Variants in RBFOX2 observed in about 807,000 individuals in gnomAD.
RBFOX2 encodes the protein RNA binding protein fox-1 homolog 2.
Under a neutral mutation model 49.1 loss-of-function variants are expected in RBFOX2, and 10 were observed. The ratio of observed to expected loss-of-function variants is 0.20; its 90% CI spans 0.13 to 0.35. The LOEUF (loss-of-function observed/expected upper bound fraction) is 0.35, where lower values mean the gene tolerates loss of function less well. Among genes scored for constraint, RBFOX2 ranks in the 10% least tolerant of loss-of-function variants. The pLI, the probability that RBFOX2 is intolerant of heterozygous loss-of-function variation, is 1.00. For missense variants in RBFOX2, 323 were observed against 486.9 expected (o/e 0.66, Z 3.17); for synonymous variants, 183 against 187.4 (o/e 0.98, Z 0.19).
chr22:35,872,065 CAAGT>C lies in RBFOX2; in HGVS notation c.-33-62065_-33-62062del, dbSNP rs777112816. On this transcript the variant is annotated intron_variant, in intron 1 of 13. Transcript: ENST00000359369. ...CAGTTCAGCATCTACCAAATCCTGA[CAAGT>C]AAGTGCCCAGCACTGTACCAAGTGC... is the stretch of plus-strand genomic sequence containing the variant. Among the ~76,000 whole-genome samples the C allele has an allele frequency of 1.1e-4, 17 of 152,282 alleles. No homozygotes were observed. The South Asian group carries it at 2.5e-3, about 22-fold the overall frequency.
At chr22:35,955,113 T>C (rs1288819321) in intron 1 of RBFOX2, among the ~76,000 whole-genome samples, 1 of 152,218 alleles carries the variant, frequency 6.6e-6, no homozygotes, top group Non-Finnish European at 1.5e-5. Flanking sequence ...AATTTGTGGG[T>C]CAAGATCCAT....
At chr22:35,980,250 T>C (rs531997072) in intron 1 of RBFOX2, among the ~76,000 whole-genome samples, 4 of 151,240 alleles carry the variant, frequency 2.6e-5, no homozygotes, top group East Asian at 1.9e-4. Flanking sequence ...CACCCATAAA[T>C]AGGAAAAAGA....
At chr22:36,027,545 A>G (rs1328071765) in intron 1 of RBFOX2, among the ~76,000 whole-genome samples, 1 of 152,200 alleles carries the variant, frequency 6.6e-6, no homozygotes, top group Non-Finnish European at 1.5e-5. Context: ...GGGACATTAA[A>G]GAGCTATTTT....
chr22:35,976,346 CT>C (rs1246496778), intron 1 of RBFOX2, among the ~76,000 whole-genome samples: 4 of 151,974 alleles, frequency 2.6e-5, no homozygotes, highest in Middle Eastern at 3.4e-3. Context: ...ACCCCCCCCT[CT>C]TAATTCTTCC....
At chr22:36,027,609 T>G (rs530652922) in intron 1 of RBFOX2, among the ~76,000 whole-genome samples, 1 of 152,274 alleles carries the variant, frequency 6.6e-6, no homozygotes, top group Admixed American at 6.5e-5. Context: ...ACATGTCTAG[T>G]GTCTCCCTTC....
intron 1 of RBFOX2, among the ~76,000 whole-genome samples, chr22:36,016,466 T>C (rs189225105): frequency 6.6e-6 from 1 of 151,466 alleles, no homozygotes; most frequent in African/African-American, 2.4e-5. Context: ...CAAAAATCAA[T>C]GCAGCCAGAA....
chr22:36,017,419 T>C (rs2146470932), intron 1 of RBFOX2, among the ~76,000 whole-genome samples: 1 of 151,908 alleles, frequency 6.6e-6, no homozygotes, highest in East Asian at 1.9e-4. Context: ...TCCCAGCTAC[T>C]CGGGAGGCTG....
intron 1 of RBFOX2, among the ~76,000 whole-genome samples, chr22:35,951,099 G>A (rs1195139348): frequency 1.8e-4 from 26 of 142,912 alleles, no homozygotes; most frequent in Non-Finnish European, 2.8e-4. Context: ...GATTACAGGC[G>A]CGTGCCACCA....
At chr22:35,782,601 G>A (rs552171693) in intron 2 of RBFOX2, among the ~76,000 whole-genome samples, 4 of 152,318 alleles carry the variant, frequency 2.6e-5, no homozygotes, top group East Asian at 3.9e-4. Flanking sequence ...GATTACAGGC[G>A]TGAGCCACCG....
chr22:35,817,629 T>G (rs1953422885), intron 1 of RBFOX2, among the ~76,000 whole-genome samples: 1 of 152,102 alleles, frequency 6.6e-6, no homozygotes, highest in Non-Finnish European at 1.5e-5. Flanking sequence ...ACTAGTTGTT[T>G]TCTAAAGTGC....
At chr22:35,768,082 G>A (rs1442111406) in intron 5 of RBFOX2, among the ~76,000 whole-genome samples, 175 bp downstream of exon 6, 1 of 152,110 alleles carries the variant, frequency 6.6e-6, no homozygotes, top group Admixed American at 6.5e-5. Context: ...GAGGCAGATA[G>A]AAGTGTTACT....
chr22:35,989,910 G>A (rs929059173), intron 1 of RBFOX2, among the ~76,000 whole-genome samples: 3 of 152,152 alleles, frequency 2.0e-5, no homozygotes, highest in Non-Finnish European at 2.9e-5. Flanking sequence ...GGCCATGTGC[G>A]GTGGCTCACA....
At position 35,906,833 on chromosome 22, in the gene RBFOX2, A is replaced by C. The variant is rs1202396587; in HGVS notation, c.-34+32014T>G. ...CTGTCCCAAACAAACAAACAAACAA[A>C]CAAAAAACCAAAAAACTTTCTATAC... On this transcript the variant is annotated intron_variant, in intron 1 of 13. Coordinates refer to the RBFOX2 transcript ENST00000359369. 1.3e-5 allele frequency among the ~76,000 whole-genome samples: 2 copies of C among 152,046 alleles called. 1 individual carries two copies. The highest frequency in any genetic ancestry group is 1.3e-4 in the Admixed American group (2 of 15,264).
chr22:35,773,686 C>G (rs1943232990), intron 4 of RBFOX2, among the ~76,000 whole-genome samples: 1 of 151,966 alleles, frequency 6.6e-6, no homozygotes, highest in African/African-American at 2.4e-5. Context: ...TCAGCATATT[C>G]AATATTTTAA....
chr22:35,989,315 G>T (rs985870820), intron 1 of RBFOX2, among the ~76,000 whole-genome samples: 3 of 152,192 alleles, frequency 2.0e-5, no homozygotes, highest in Non-Finnish European at 1.5e-5. Flanking sequence ...GTGGTGGGCT[G>T]AGGAAGGGAT....
rs577500044 is a variant in RBFOX2, at chr22:35,985,393, A to C, written c.186+42847T>G. On this transcript the variant is annotated intron_variant, in intron 1 of 13. Transcript: ENST00000438146. ...ATTGTAACACTCACCAGAGGTAAAG[A>C]GTGAAGTGCACAGGTAGAGACTGTG... Among the ~76,000 whole-genome samples the C allele has an allele frequency of 7.9e-5, 12 of 152,258 alleles. No individual in the cohort carries two copies. The South Asian group carries it at 2.3e-3, about 29-fold the overall frequency.
At chr22:35,779,271 T>G (rs938485268) in intron 3 of RBFOX2, among the ~76,000 whole-genome samples, 8 of 152,314 alleles carry the variant, frequency 5.3e-5, no homozygotes, top group Middle Eastern at 3.4e-3. Flanking sequence ...TTTCCAGATA[T>G]CTTTTTGGCT....
chr22:35,924,228 G>GATA (rs2149611722), intron 1 of RBFOX2, among the ~76,000 whole-genome samples: 1 of 152,274 alleles, frequency 6.6e-6, no homozygotes, highest in Non-Finnish European at 1.5e-5. Context: ...CTGAAATTAA[G>GATA]ATAATGTATG....
intron 1 of RBFOX2, among the ~76,000 whole-genome samples, chr22:35,822,353 GA>G (rs1954710327): frequency 6.6e-6 from 1 of 152,156 alleles, no homozygotes. Flanking sequence ...TTTTATAAAT[GA>G]GTATTTATGA....
Sources: gnomAD v4.1 joint callset for allele counts (sites outside exome capture counted in the v4.1 genomes callset) on GRCh38, gnomAD v4.1.1 for gene constraint, MANE v1.5 for transcripts, NCBI Gene and HGNC (gene_info 2026-07-23, HGNC 2026-07-21) for gene names.